Variants in MTERF2 observed in about 807,000 individuals in gnomAD.
MTERF2 encodes mitochondrial transcription termination factor 2.
Under a neutral mutation model 29.2 loss-of-function variants are expected in MTERF2, and 23 were observed. The observed-to-expected ratio is 0.79, with a 90% CI of 0.57 to 1.12. The LOEUF (loss-of-function observed/expected upper bound fraction) is 1.12. MTERF2 is among the 50% of genes most tolerant of loss of function. The pLI, the probability that MTERF2 is intolerant of heterozygous loss-of-function variation, is 0.00. For missense variants in MTERF2, 440 were observed against 429.4 expected, an observed-to-expected ratio of 1.02 and a Z score of -0.22; for synonymous variants, 157 against 159.5, an observed-to-expected ratio of 0.98 and a Z score of 0.12.
intron 1 of MTERF2, chr12:106,986,662 C>G (rs1022656701): frequency 3.3e-5 from 5 of 152,162 alleles, no homozygotes; most frequent in African/African-American, 1.2e-4. Flanking sequence ...CTGTAATACA[C>G]AGTTATGGTT....
chr12:106,986,277 A>G (rs1250931609), intron 1 of MTERF2: 1 of 152,240 alleles, frequency 6.6e-6, no homozygotes, highest in Non-Finnish European at 1.5e-5. Context: ...TCAGTTTGGC[A>G]TCAGGAAAAT....
intron 2 of MTERF2, among the ~76,000 whole-genome samples, chr12:106,979,564 AC>A: frequency 6.6e-6 from 1 of 152,322 alleles, no homozygotes; most frequent in East Asian, 1.9e-4. Flanking sequence ...ACATGGTGAA[AC>A]CCCATCTCTA....
rs752316227 is a variant in MTERF2 at position 106,978,514 on chromosome 12, T to C, written c.201A>G (p.Gly67=). The part of the protein sequence containing the change: ...VDIRKIRRLK[G]WVLLEDETYV... ...AGGTTTCATCCTCTAAAAGTACCCA[T>C]CCTTTTAATCTACGAATTTTCCTAA... Residue 67 remains glycine (G), a synonymous_variant, in exon 3 of 3, where the codon GGA becomes GGG. Transcript: ENST00000240050. 1 of 1,614,236 alleles carries C rather than the reference T, an allele frequency of 6.2e-7. No individual in the cohort carries two copies. Among genetic ancestry groups the C allele is most frequent in the Non-Finnish European group, 8.5e-7 (1 of 1,180,022 alleles).
At chr12:106,980,875 C>T (rs1368686557) in intron 2 of MTERF2, among the ~76,000 whole-genome samples, 2 of 152,164 alleles carry the variant, frequency 1.3e-5, no homozygotes, top group African/African-American at 2.4e-5. Context: ...ATTTTGGTTT[C>T]CCATTTTGAT....
Position 106,978,432 on chromosome 12 carries a change from C to T in MTERF2, c.283G>A (p.Ala95Thr). 1.2e-6 allele frequency: 2 copies of T among 1,614,210 alleles called. No homozygotes were observed. The highest frequency in any genetic ancestry group is 1.7e-6 in the Non-Finnish European group (2 of 1,180,026). ...TCCGGGCAGCGTTCCAAAATACTGG[C>T]TACAGCAGTCTCATCGGCACCTAGT... ...QELGADETAV[A>T]SILERCPEAI... is the part of the protein sequence containing the mutation. Residue 95 changes from alanine (A) to threonine (T), a missense_variant, in exon 3 of 3, where the codon GCC becomes ACC. Ala to Thr is a moderately conservative substitution (Grantham distance 58, BLOSUM62 0). Coordinates refer to ENST00000240050, the MANE Select transcript of MTERF2 (RefSeq NM_001033050.3).
At chr12:106,983,624 CCTT>C (rs751564197) in intron 2 of MTERF2, among the ~76,000 whole-genome samples, 21 of 152,140 alleles carry the variant, frequency 1.4e-4, no homozygotes, top group Non-Finnish European at 2.9e-4. Flanking sequence ...AAACTTAGCT[CCTT>C]AAGTTCATTT....
chr12:106,977,470 A>T lies in MTERF2; in HGVS notation c.*87T>A. On this transcript the variant is annotated 3_prime_UTR_variant, in exon 3 of 3. Coordinates refer to ENST00000240050, the MANE Select transcript of MTERF2 (RefSeq NM_001033050.3). ...AGAAGCTAAGCAGGTTCTTAAAATT[A>T]CTGGTGTCTACAAACTGCCTGAATT... is the stretch of plus-strand genomic sequence containing the variant. The T allele has an allele frequency of 3.4e-6, 4 of 1,181,910 alleles. No homozygotes were observed. In the South Asian group the frequency reaches 4.7e-5, roughly 14 times the overall value. The allele number at this position is 1,181,910 out of a possible 1,614,324, so 73.2% of individuals were successfully genotyped here. A position where few individuals can be genotyped will look rare whatever the true frequency, so the allele number is the denominator to read the frequency against.
chr12:106,977,991 A>T lies in MTERF2; in HGVS notation c.724T>A (p.Phe242Ile). Residue 242 changes from phenylalanine to isoleucine, a missense_variant, in exon 3 of 3, where the codon TTT becomes ATT. Coordinates refer to ENST00000240050, the MANE Select transcript of MTERF2 (RefSeq NM_001033050.3). ...TTGGATAGAAGCTGGAGAATTTCAA[A>T]GCTGGTGAAACCTTGCTCCTGGAGA... The part of the protein sequence containing the change: ...EFLQEQGFTS[F>I]EILQLLSKLK... 6.2e-7 allele frequency: 1 copy of T among 1,614,192 alleles called. No individual in the cohort carries two copies. The highest frequency in any genetic ancestry group is 8.5e-7 in the Non-Finnish European group (1 of 1,180,008).
At position 106,978,588 on chromosome 12, in the gene MTERF2, T is replaced by C; in HGVS notation, c.127A>G (p.Lys43Glu). The C allele has an allele frequency of 6.2e-7, 1 of 1,614,234 alleles. No individual in the cohort carries two copies. ...FTYTTDKQSS[K>E]ENTRTVEKLY... ...TTTTCCACTGTTCTTGTATTTTCTT[T>C]GCTCGACTGTTTATCAGTTGTATAG... The change falls in exon 3 of 3, where the codon AAA becomes GAA. Residue 43 changes from lysine (K) to glutamate (E), a missense_variant. By Grantham distance (56) the Lys-to-Glu change is moderately conservative. Transcript: ENST00000240050.
In MTERF2 at chr12:106,978,416, C is replaced by T. The variant is rs376992880; in HGVS notation, c.299G>A (p.Arg100His). ...DETAVASILE[R>H]CPEAIVCSPT... ...ACTACAGACAATTGCTTCCGGGCAGCGTTCCAAAATACTGGCTACAGCAGT... is the reference window on the plus strand; with the variant it reads ...ACTACAGACAATTGCTTCCGGGCAGTGTTCCAAAATACTGGCTACAGCAGT... Residue 100 changes from arginine to histidine, a missense_variant, in exon 3 of 3, where the codon CGC becomes CAC. Physicochemically the swap from Arg to His is conservative, Grantham distance 29. Coordinates refer to ENST00000240050, the MANE Select transcript of MTERF2 (RefSeq NM_001033050.3). 12 of 1,614,132 alleles carry T rather than the reference C, an allele frequency of 7.4e-6. No individual in the cohort carries two copies. Among genetic ancestry groups the T allele is most frequent in the Non-Finnish European group, 5.9e-6 (7 of 1,180,052 alleles).
chr12:106,977,768 A>G lies in MTERF2; in HGVS notation c.947T>C (p.Ile316Thr), dbSNP rs1450854526. The change falls in exon 3 of 3, where the codon ATA (isoleucine) becomes ACA (threonine). Residue 316 changes from isoleucine to threonine, a missense_variant. Physicochemically the swap from Ile to Thr is moderately conservative, Grantham distance 89. Transcript: ENST00000240050. ...TTCAAGAACCATTGGCGTCTCTCTT[A>G]TCTGAGCTATGGAAATTCCTTCTCT... The part of the protein sequence containing the change: ...LLREGISIAQ[I>T]RETPMVLELT... The G allele has an allele frequency of 1.2e-6, 2 of 1,614,030 alleles. No individual in the cohort carries two copies. The highest frequency in any genetic ancestry group is 8.5e-7 in the Non-Finnish European group (1 of 1,179,990).
At chr12:106,983,423 T>C (rs1380737831) in intron 2 of MTERF2, among the ~76,000 whole-genome samples, 1 of 152,250 alleles carries the variant, frequency 6.6e-6, no homozygotes, top group Non-Finnish European at 1.5e-5. Flanking sequence ...GTCTTTCGTG[T>C]CTGGCTTATT....
intron 2 of MTERF2, among the ~76,000 whole-genome samples, chr12:106,980,364 A>T (rs1667189217): frequency 6.6e-6 from 1 of 152,216 alleles, no homozygotes; most frequent in African/African-American, 2.4e-5. Context: ...AAGTTATTTT[A>T]AAAAGGACTG....
At position 106,977,409 on chromosome 12, in the gene MTERF2, G is replaced by T; in HGVS notation, c.*148C>A. ...ATTTTATAATATGGCACATGAGTCA[G>T]AATTTATCTATTTAGAGATAACTTA... On this transcript the variant is annotated 3_prime_UTR_variant, in exon 3 of 3. Coordinates refer to ENST00000240050, the MANE Select transcript of MTERF2 (RefSeq NM_001033050.3). 1.7e-6 allele frequency: 1 copy of T among 587,422 alleles called. No homozygotes were observed. Among genetic ancestry groups the T allele is most frequent in the Non-Finnish European group, 2.9e-6 (1 of 348,270 alleles). 36.4% of individuals were successfully genotyped at this position (587,422 alleles called of 1,614,324 possible).
At chr12:106,978,812 G>A (rs910605395) in intron 2 of MTERF2, 41 bp from the exon 3 acceptor site, 11 of 1,096,566 alleles carry the variant, frequency 1.0e-5, no homozygotes, top group Non-Finnish European at 1.4e-5. Context: ...TAAGGGTGTT[G>A]ACTTTCAGAA....
Position 106,977,645 on chromosome 12 carries a change from T to C in MTERF2, c.1070A>G (p.Lys357Arg), listed in dbSNP as rs1951998172. The C allele has an allele frequency of 1.2e-6, 2 of 1,613,826 alleles. No individual in the cohort carries two copies. The highest frequency in any genetic ancestry group is 8.5e-7 in the Non-Finnish European group (1 of 1,179,948). Residue 357 changes from lysine (K) to arginine (R), a missense_variant, in exon 3 of 3, where the codon AAA becomes AGA. By Grantham distance (26) the Lys-to-Arg change is conservative. Transcript: ENST00000240050. Reference sequence around the variant, plus strand: ...TTTGCCAAAATTAGCTTCAAACTCTTTTTTTGATCCATTTAGATTTGCTAG... The same window carrying C: ...TTTGCCAAAATTAGCTTCAAACTCTCTTTTTGATCCATTTAGATTTGCTAG... Reference protein sequence around the residue: ...GHLANLNGSKKEFEANFGKIQ... With the variant: ...GHLANLNGSKREFEANFGKIQ...
chr12:106,979,059 CT>C (rs771077425), intron 2 of MTERF2, among the ~76,000 whole-genome samples: 152 of 151,960 alleles, frequency 1.0e-3, no homozygotes, highest in Non-Finnish European at 1.9e-3. Flanking sequence ...TTGTAATACA[CT>C]TCTCCACAAC....
At chr12:106,980,308 G>A (rs1952040987) in intron 2 of MTERF2, among the ~76,000 whole-genome samples, 1 of 152,206 alleles carries the variant, frequency 6.6e-6, no homozygotes, top group African/African-American at 2.4e-5. Flanking sequence ...CAAAAAATAG[G>A]AAGCTGCGAA....
rs116173533 is a variant in MTERF2 at position 106,979,846 on chromosome 12, C to A, written c.-57-1075G>T. The stretch of plus-strand genomic sequence containing the variant: ...CCATCTTCTTAGGGTCGTGGCAGGA[C>A]CCGAGAATTAGACATAAGATACATT... On this transcript the variant is annotated intron_variant, in intron 2 of 2. Coordinates refer to ENST00000240050, the MANE Select transcript of MTERF2 (RefSeq NM_001033050.3). Among the ~76,000 whole-genome samples the A allele has an allele frequency of 7.7e-3, 1,165 of 152,194 alleles. 11 individuals carry two copies. Among genetic ancestry groups the A allele is most frequent in the African/African-American group, 0.027 (1,108 of 41,520 alleles).
Sources: allele counts gnomAD v4.1 joint callset (sites outside exome capture counted in the v4.1 genomes callset), GRCh38; gene constraint gnomAD v4.1.1; transcripts MANE v1.5; gene names NCBI Gene and HGNC (gene_info 2026-07-23, HGNC 2026-07-21).